The following DNAJC10 variants were observed in gnomAD, a reference collection of about 807,000 sequenced individuals.
The protein encoded by DNAJC10 is DnaJ heat shock protein family (Hsp40) member C10.
DNAJC10 carries 101 observed loss-of-function variants against 115.0 expected under a neutral mutation model. That is an observed-to-expected ratio of 0.88 (90% CI 0.75 to 1.04). The LOEUF (loss-of-function observed/expected upper bound fraction) is 1.04. Among genes scored for constraint, DNAJC10 ranks in the 50% least tolerant of loss-of-function variants. DNAJC10 has a pLI of 0.00. For missense variants in DNAJC10, 981 were observed against 928.8 expected (o/e 1.06, Z -0.73); for synonymous variants, 307 against 301.5 (o/e 1.02, Z -0.19).
In DNAJC10 at chr2:182,790,898, T is replaced by G. The variant is rs1191986920; in HGVS notation, c.*13766T>G. On this transcript the variant is annotated 3_prime_UTR_variant, in exon 24 of 24. Transcript: ENST00000264065. Reference sequence around the variant, plus strand: ...CTACTAAGCTGACTTATTTTCTGACTTTTCCTTTGCTTTATTCTCTTATTT... The same window carrying G: ...CTACTAAGCTGACTTATTTTCTGACGTTTCCTTTGCTTTATTCTCTTATTT... 1 of 152,174 alleles carries G rather than the reference T, an allele frequency of 6.6e-6. No homozygotes were observed. The highest frequency in any genetic ancestry group is 1.5e-5 in the Non-Finnish European group (1 of 68,014). 9.4% of individuals were successfully genotyped at this position (152,174 alleles called of 1,614,324 possible). A position where few individuals can be genotyped will look rare whatever the true frequency, so the allele number is the denominator to read the frequency against.
intron 14 of DNAJC10, among the ~76,000 whole-genome samples, chr2:182,749,398 T>TA (rs1436437971): frequency 6.7e-6 from 1 of 148,186 alleles, no homozygotes; most frequent in Non-Finnish European, 1.5e-5. Context: ...TTGATCCCTT[T>TA]ACCATTAGGT....
At chr2:182,736,180 A>T in intron 10 of DNAJC10, 69 bp from the exon 11 acceptor site, 1 of 1,464,730 alleles carries the variant, frequency 6.8e-7, no homozygotes. Context: ...TTAGCTAAGT[A>T]AAGCTCTAAA....
intron 14 of DNAJC10, among the ~76,000 whole-genome samples, chr2:182,747,714 C>G (rs1333623538): frequency 6.7e-6 from 1 of 148,368 alleles, no homozygotes; most frequent in Non-Finnish European, 1.5e-5. Context: ...AATTGAATAC[C>G]CTTTATTTCC....
At chr2:182,742,472 G>C (rs1056812923) in intron 13 of DNAJC10, among the ~76,000 whole-genome samples, 9 of 152,138 alleles carry the variant, frequency 5.9e-5, no homozygotes, top group Non-Finnish European at 1.3e-4. Context: ...TTACAGGCGT[G>C]AGCCACCACA....
chr2:182,752,748 T>C (rs1694055972), intron 16 of DNAJC10: 1 of 167,308 alleles, frequency 6.0e-6, no homozygotes, highest in Non-Finnish European at 1.2e-5. Context: ...ATAGTAGATC[T>C]ATCTCCAGAT....
intron 10 of DNAJC10, 31 bp downstream of exon 10, chr2:182,732,573 C>T (rs760861953): frequency 9.4e-6 from 15 of 1,602,212 alleles, no homozygotes; most frequent in Non-Finnish European, 1.1e-5. Context: ...AAAACTATAT[C>T]ACCATGTAAA....
In DNAJC10 at chr2:182,778,339, G is replaced by C. The variant is rs1297651814; in HGVS notation, c.*1207G>C. The stretch of plus-strand genomic sequence containing the variant: ...GAAGTTATTTTTATAAGAAAATCAA[G>C]TATATAAATCTAGGAAAGGGATCTT... On this transcript the variant is annotated 3_prime_UTR_variant, in exon 24 of 24. Transcript: ENST00000264065. 1 of 152,114 alleles carries C rather than the reference G, an allele frequency of 6.6e-6. No homozygotes were observed. The highest frequency in any genetic ancestry group is 1.9e-4 in the East Asian group (1 of 5,196). The allele number at this position is 152,114 out of a possible 1,614,324, so 9.4% of individuals were successfully genotyped here. A position where few individuals can be genotyped will look rare whatever the true frequency, so the allele number is the denominator to read the frequency against.
chr2:182,753,768 G>C (rs1358122722), intron 16 of DNAJC10, among the ~76,000 whole-genome samples: 2 of 151,842 alleles, frequency 1.3e-5, no homozygotes, highest in Non-Finnish European at 2.9e-5. Flanking sequence ...ATTTTTAGTA[G>C]AGATGGGGTT....
intron 22 of DNAJC10, among the ~76,000 whole-genome samples, chr2:182,766,516 C>T (rs1376403266): frequency 6.6e-6 from 1 of 152,148 alleles, no homozygotes; most frequent in Non-Finnish European, 1.5e-5. Flanking sequence ...AAGTTGGTTG[C>T]ATGCTGCCTT....
At chr2:182,733,080 G>A (rs1306272332) in intron 10 of DNAJC10, among the ~76,000 whole-genome samples, 1 of 151,894 alleles carries the variant, frequency 6.6e-6, no homozygotes. Flanking sequence ...TATTAGATCA[G>A]ATTTATTAAT....
At chr2:182,763,663 T>C (rs1347365375) in intron 22 of DNAJC10, among the ~76,000 whole-genome samples, 1 of 152,134 alleles carries the variant, frequency 6.6e-6, no homozygotes, top group East Asian at 1.9e-4. Flanking sequence ...ACAAATAACA[T>C]ACACACAGTG....
chr2:182,732,477 C>T, intron 9 of DNAJC10, 22 bp from the exon 10 acceptor site: 2 of 1,613,102 alleles, frequency 1.2e-6, no homozygotes, highest in Non-Finnish European at 1.7e-6. Context: ...AAAACTGCCT[C>T]ATAAGGTTTT....
At chr2:182,776,509 C>G (rs1299967242) in intron 23 of DNAJC10, among the ~76,000 whole-genome samples, 1 of 152,002 alleles carries the variant, frequency 6.6e-6, no homozygotes, top group Non-Finnish European at 1.5e-5. Flanking sequence ...GGATTCTTTC[C>G]CTATGAGGCG....
chr2:182,718,236 A>C lies in DNAJC10; in HGVS notation c.150A>C (p.Glu50Asp), dbSNP rs1232117802. 2 of 1,612,876 alleles carry C rather than the reference A, an allele frequency of 1.2e-6. No individual in the cohort carries two copies. The highest frequency in any genetic ancestry group is 8.5e-7 in the Non-Finnish European group (1 of 1,179,674). Residue 50 changes from glutamate to aspartate, a missense_variant, in exon 3 of 24, where the codon GAA (glutamate) becomes GAC (aspartate). Physicochemically the swap from Glu to Asp is conservative, Grantham distance 45. Transcript: ENST00000264065. ...TGTCCAAAACTGCAAGCAGTAGAGAAATAAGACAAGCTTTCAAGAAATTGG... is the reference window on the plus strand; with the variant it reads ...TGTCCAAAACTGCAAGCAGTAGAGACATAAGACAAGCTTTCAAGAAATTGG... ...LGVSKTASSREIRQAFKKLAL... is the reference protein window; with the variant it reads ...LGVSKTASSRDIRQAFKKLAL...
In DNAJC10 at chr2:182,786,928, T is replaced by C. The variant is rs763814349; in HGVS notation, c.*9796T>C. 2.0e-5 allele frequency: 3 copies of C among 152,088 alleles called. No individual in the cohort carries two copies. The highest frequency in any genetic ancestry group is 7.2e-5 in the African/African-American group (3 of 41,392). 9.4% of individuals were successfully genotyped at this position (152,088 alleles called of 1,614,324 possible). On this transcript the variant is annotated 3_prime_UTR_variant, in exon 24 of 24. Transcript: ENST00000264065. ...CTCCTTTTTGAGATTGGTACACTTATAAAAGAGACCCCAGTATCTTGCTCG... is the reference window on the plus strand; with the variant it reads ...CTCCTTTTTGAGATTGGTACACTTACAAAAGAGACCCCAGTATCTTGCTCG...
At chr2:182,747,531 G>T (rs1355209994) in intron 14 of DNAJC10, among the ~76,000 whole-genome samples, 1 of 151,436 alleles carries the variant, frequency 6.6e-6, no homozygotes, top group Non-Finnish European at 1.5e-5. Flanking sequence ...GGCTCTGTTT[G>T]TCTGTTGTTG....
In DNAJC10 at chr2:182,790,769, A is replaced by G. The variant is rs1695035179; in HGVS notation, c.*13637A>G. The G allele has an allele frequency of 6.8e-6, 1 of 146,188 alleles. No homozygotes were observed. The highest frequency in any genetic ancestry group is 2.2e-4 in the South Asian group (1 of 4,548). The allele number at this position is 146,188 out of a possible 1,614,324, so 9.1% of individuals were successfully genotyped here. On this transcript the variant is annotated 3_prime_UTR_variant, in exon 24 of 24. Transcript: ENST00000264065. ...ACGTCACTGTACTCCAGCCTGGGCA[A>G]CAAGAGTGAAACTCTATCTCAAAAA...
intron 17 of DNAJC10, among the ~76,000 whole-genome samples, chr2:182,755,954 C>A (rs1321914795): frequency 6.6e-6 from 1 of 151,982 alleles, no homozygotes; most frequent in Non-Finnish European, 1.5e-5. Flanking sequence ...TGAGCAAAAT[C>A]CAAACTTAAA....
chr2:182,749,933 C>G (rs1693972903), intron 14 of DNAJC10, among the ~76,000 whole-genome samples: 1 of 152,142 alleles, frequency 6.6e-6, no homozygotes, highest in Admixed American at 6.6e-5. Context: ...GGGTCTGGTT[C>G]CAAGCTTACT....
Sources: gnomAD v4.1 joint callset for allele counts (sites outside exome capture counted in the v4.1 genomes callset) on GRCh38, gnomAD v4.1.1 for gene constraint, MANE v1.5 for transcripts, NCBI Gene and HGNC (gene_info 2026-07-23, HGNC 2026-07-21) for gene names.